The following GPC6 variants were observed in gnomAD, a reference collection of about 807,000 sequenced individuals.
GPC6 encodes glypican-6.
Under a neutral mutation model 55.2 loss-of-function variants are expected in GPC6, and 14 were observed. The observed-to-expected ratio is 0.25, with a 90% CI of 0.17 to 0.40. The LOEUF (loss-of-function observed/expected upper bound fraction) is 0.40, where lower values mean the gene tolerates loss of function less well. GPC6 is among the 10% of genes least tolerant of loss of function. The pLI is 1.00. For synonymous variants in GPC6, 278 were observed against 259.6 expected, an observed-to-expected ratio of 1.07 and a Z score of -0.68; for missense variants, 641 against 708.5, an observed-to-expected ratio of 0.90 and a Z score of 1.08.
At chr13:93,290,384 A>G (rs1011644353) in intron 1 of GPC6, among the ~76,000 whole-genome samples, 4 of 152,126 alleles carry the variant, frequency 2.6e-5, no homozygotes, top group Non-Finnish European at 5.9e-5. Flanking sequence ...GCACTATACA[A>G]CTATCCACCC....
intron 3 of GPC6, among the ~76,000 whole-genome samples, chr13:93,882,610 G>A (rs1875063981): frequency 6.6e-6 from 1 of 151,950 alleles, no homozygotes; most frequent in Non-Finnish European, 1.5e-5. Flanking sequence ...TTTGTGTGAT[G>A]TAAAGTTCTA....
At chr13:94,131,396 A>C (rs1306008455) in intron 4 of GPC6, among the ~76,000 whole-genome samples, 1 of 152,174 alleles carries the variant, frequency 6.6e-6, no homozygotes, top group East Asian at 1.9e-4. Flanking sequence ...ATACTAACTC[A>C]TTGGTAAAAA....
chr13:94,290,154 G>A (rs1218813299), intron 5 of GPC6, among the ~76,000 whole-genome samples: 3 of 152,096 alleles, frequency 2.0e-5, no homozygotes, highest in African/African-American at 4.8e-5. Context: ...AAGGTGTGGT[G>A]GCTCTCACCT....
chr13:93,589,983 G>A (rs1036902542), intron 2 of GPC6, among the ~76,000 whole-genome samples: 3 of 152,196 alleles, frequency 2.0e-5, no homozygotes, highest in African/African-American at 7.2e-5. Context: ...TAATGCAGAA[G>A]CCTGCTGGTA....
intron 2 of GPC6, among the ~76,000 whole-genome samples, chr13:93,660,114 G>A (rs1177981081): frequency 6.6e-6 from 1 of 151,934 alleles, no homozygotes; most frequent in East Asian, 1.9e-4. Flanking sequence ...AATATATTGT[G>A]TCTATTTTTT....
Position 93,830,515 on chromosome 13 carries a change from G to T in GPC6, c.681G>T (p.Val227=). The change falls in exon 3 of 9, where the codon GTG becomes GTT. Residue 227 remains valine, a synonymous_variant. Transcript: ENST00000377047. ...GGACCTTTGTCCAGGGGCTGACTGT[G>T]GGCAGAGAAGTTGCAAACCGAGTTT... is the stretch of plus-strand genomic sequence containing the variant. ...AARTFVQGLT[V]GREVANRVSK... is the part of the protein sequence containing the mutation. 2 of 1,612,488 alleles carry T rather than the reference G, an allele frequency of 1.2e-6. No individual in the cohort carries two copies. Among genetic ancestry groups the T allele is most frequent in the Non-Finnish European group, 1.7e-6 (2 of 1,179,602 alleles).
At chr13:94,166,603 C>G (rs920461873) in intron 4 of GPC6, among the ~76,000 whole-genome samples, 8 of 152,208 alleles carry the variant, frequency 5.3e-5, no homozygotes, top group African/African-American at 1.9e-4. Flanking sequence ...AAATCAGCCC[C>G]CTCCCCCTGC....
chr13:94,227,965 G>A (rs944838), intron 4 of GPC6, among the ~76,000 whole-genome samples: 104,741 of 152,044 alleles, frequency 0.69, 36,162 homozygotes, highest in East Asian at 0.83. Flanking sequence ...GAGTGAGGAA[G>A]TACAGTCCAA....
intron 1 of GPC6, among the ~76,000 whole-genome samples, chr13:93,392,009 G>A (rs1446432978): frequency 6.6e-6 from 1 of 152,072 alleles, no homozygotes; most frequent in Non-Finnish European, 1.5e-5. Flanking sequence ...GTTGCCAGAT[G>A]GTACTCTGTA....
rs145205643 is a variant in GPC6 at position 93,452,321 on chromosome 13, T to C, written c.161-92942T>C. Among the ~76,000 whole-genome samples, 1,213 of 152,340 alleles carry C rather than the reference T, an allele frequency of 8.0e-3. 16 individuals carry two copies. Among genetic ancestry groups the C allele is most frequent in the African/African-American group, 0.028 (1,169 of 41,584 alleles). On this transcript the variant is annotated intron_variant, in intron 1 of 8. Coordinates refer to ENST00000377047, the MANE Select transcript of GPC6 (RefSeq NM_005708.5). ...AAGCAAGGCATTGTATATTCACTTG[T>C]TCAGTTTGCTTAAAGTGATATAAAA...
At chr13:93,408,660 C>A (rs904227248) in intron 1 of GPC6, among the ~76,000 whole-genome samples, 1 of 152,096 alleles carries the variant, frequency 6.6e-6, no homozygotes, top group Non-Finnish European at 1.5e-5. Context: ...CAGGCAAAGA[C>A]CAGCACAGAA....
chr13:93,385,048 T>C (rs1407356111), intron 1 of GPC6, among the ~76,000 whole-genome samples: 1 of 152,130 alleles, frequency 6.6e-6, no homozygotes, highest in Non-Finnish European at 1.5e-5. Flanking sequence ...AAAATACACT[T>C]ACATAAACAC....
At chr13:94,118,530 T>TC (rs1448109362) in intron 4 of GPC6, among the ~76,000 whole-genome samples, 1 of 152,054 alleles carries the variant, frequency 6.6e-6, no homozygotes, top group Non-Finnish European at 1.5e-5. Flanking sequence ...CTTTTGCCAA[T>TC]CCCAAATCAT....
intron 4 of GPC6, among the ~76,000 whole-genome samples, chr13:94,143,343 A>C (rs1045109551): frequency 5.9e-4 from 90 of 152,228 alleles, no homozygotes; most frequent in African/African-American, 2.1e-3. Context: ...GTTTTATTTC[A>C]GTTTTAATTC....
chr13:93,416,861 T>C (rs554233358), intron 1 of GPC6, among the ~76,000 whole-genome samples: 1 of 152,228 alleles, frequency 6.6e-6, no homozygotes, highest in East Asian at 1.9e-4. Context: ...GTCCAGAGGC[T>C]TGACAGCTAA....
At chr13:93,750,124 A>G (rs1222511861) in intron 2 of GPC6, among the ~76,000 whole-genome samples, 1 of 152,222 alleles carries the variant, frequency 6.6e-6, no homozygotes, top group Non-Finnish European at 1.5e-5. Context: ...ATTAGAATAA[A>G]TAGAATTTAA....
intron 2 of GPC6, among the ~76,000 whole-genome samples, chr13:93,709,711 C>A (rs753496704): frequency 2.6e-5 from 4 of 151,700 alleles, no homozygotes; most frequent in Non-Finnish European, 5.9e-5. Context: ...TGTGTATCTC[C>A]AAACTGGGAC....
intron 3 of GPC6, among the ~76,000 whole-genome samples, chr13:93,835,099 A>T (rs1040517296): frequency 6.6e-6 from 1 of 152,208 alleles, no homozygotes; most frequent in Admixed American, 6.5e-5. Context: ...AAATGTGGAA[A>T]TGACTATAGT....
intron 2 of GPC6, among the ~76,000 whole-genome samples, chr13:93,633,618 AGAGT>A (rs1879568155): frequency 6.6e-6 from 1 of 151,092 alleles, no homozygotes; most frequent in South Asian, 2.1e-4. Flanking sequence ...CCTGGGTGAC[AGAGT>A]GAGACTCTGT....
Sources: gnomAD v4.1 joint callset for allele counts (sites outside exome capture counted in the v4.1 genomes callset) on GRCh38, gnomAD v4.1.1 for gene constraint, MANE v1.5 for transcripts, NCBI Gene and HGNC (gene_info 2026-07-23, HGNC 2026-07-21) for gene names.